The following UBR3 variants were observed in gnomAD, a reference collection of about 807,000 sequenced individuals.
UBR3 encodes E3 ubiquitin-protein ligase UBR3.
In UBR3, 85 loss-of-function variants were observed where a neutral mutation model predicts 243.2. That is an observed-to-expected ratio of 0.35 (90% CI 0.29 to 0.42). UBR3 has a LOEUF of 0.42. Ranked by LOEUF, UBR3 falls within the 10% of genes least tolerant of loss-of-function variation. UBR3 has a pLI of 1.00. For missense variants in UBR3, 1,686 were observed against 2,300.8 expected (o/e 0.73, Z 5.47); for synonymous variants, 748 against 799.8 (o/e 0.94, Z 1.09).
chr2:169,929,372 C>T lies in UBR3; in HGVS notation c.2566+504C>T, dbSNP rs371370441. On this transcript the variant is annotated intron_variant, in intron 18 of 38. Coordinates refer to ENST00000272793, the MANE Select transcript of UBR3 (RefSeq NM_172070.4). The stretch of plus-strand genomic sequence containing the variant: ...GCTGGATCACCTGAGGTCAGGAGTT[C>T]GAGACCATCCTGGCCAACATGATGA... Among the ~76,000 whole-genome samples, 25 of 152,042 alleles carry T rather than the reference C, an allele frequency of 1.6e-4. No homozygotes were observed. The South Asian group carries it at 5.2e-3, about 32-fold the overall frequency.
intron 5 of UBR3, among the ~76,000 whole-genome samples, chr2:169,888,764 G>C (rs1163369204): frequency 6.6e-6 from 1 of 151,996 alleles, no homozygotes; most frequent in African/African-American, 2.4e-5. Context: ...AAAATTCCCT[G>C]TTTTAAAATA....
chr2:169,910,233 GAA>G (rs964102206), intron 10 of UBR3, among the ~76,000 whole-genome samples: 2 of 152,100 alleles, frequency 1.3e-5, no homozygotes, highest in Admixed American at 1.3e-4. Context: ...TAAATAGGGA[GAA>G]AAGAGATGTG....
chr2:169,948,079 G>GTTT, intron 22 of UBR3: 4 of 251,890 alleles, frequency 1.6e-5, no homozygotes, highest in African/African-American at 4.8e-5. Context: ...ATTTATGTGT[G>GTTT]TTTTTTTTTT....
chr2:169,952,862 A>G (rs1017708281), intron 23 of UBR3, among the ~76,000 whole-genome samples: 2 of 152,166 alleles, frequency 1.3e-5, no homozygotes, highest in African/African-American at 4.8e-5. Context: ...CCATTCATTA[A>G]GTTTGAATTA....
At chr2:169,987,853 ATGGTATTG>A (rs2089092356) in intron 25 of UBR3, among the ~76,000 whole-genome samples, 1 of 152,004 alleles carries the variant, frequency 6.6e-6, no homozygotes, top group East Asian at 1.9e-4. Flanking sequence ...GAATTCAAAT[ATGGTATTG>A]GTTTACTTAC....
chr2:170,066,971 A>ATAG (rs2091584098), intron 35 of UBR3, among the ~76,000 whole-genome samples: 1 of 147,290 alleles, frequency 6.8e-6, no homozygotes, highest in Non-Finnish European at 1.5e-5. Context: ...CTCTAAAATA[A>ATAG]TAATAATAAT....
Position 169,864,906 on chromosome 2 carries a change from C to CAA in UBR3, c.546-7308_546-7307dup, listed in dbSNP as rs11336906. On this transcript the variant is annotated intron_variant, in intron 1 of 38. Coordinates refer to ENST00000272793, the MANE Select transcript of UBR3 (RefSeq NM_172070.4). ...CGGGTGACGGAGCGAGACTCCGTCT[C>CAA]AAAAAAAAAAAAAAAAAAAAAAAGA... Among the ~76,000 whole-genome samples, 294 of 64,106 alleles carry CAA rather than the reference C, an allele frequency of 4.6e-3. 2 individuals are homozygous for CAA. Among genetic ancestry groups the CAA allele is most frequent in the African/African-American group, 0.012 (186 of 15,970 alleles). 42.1% of individuals were successfully genotyped at this position (64,106 alleles called of 152,430 possible).
intron 5 of UBR3, among the ~76,000 whole-genome samples, chr2:169,881,479 C>T (rs1050090758): frequency 6.6e-6 from 1 of 151,192 alleles, no homozygotes; most frequent in African/African-American, 2.4e-5. Context: ...GTGCCCAGCC[C>T]CAGAAAGCTA....
At chr2:169,899,979 C>T (rs1559073931) in intron 8 of UBR3, among the ~76,000 whole-genome samples, 1 of 152,104 alleles carries the variant, frequency 6.6e-6, no homozygotes, top group Non-Finnish European at 1.5e-5. Flanking sequence ...GTCTTTATAG[C>T]AGCATGATTT....
intron 24 of UBR3, among the ~76,000 whole-genome samples, chr2:169,971,051 T>G (rs1265795357): frequency 1.3e-5 from 2 of 151,656 alleles, no homozygotes; most frequent in East Asian, 3.9e-4. Flanking sequence ...ATTGTGGTTT[T>G]GATTTGCATT....
At chr2:169,928,103 C>T (rs2085977344) in intron 17 of UBR3, among the ~76,000 whole-genome samples, 1 of 152,128 alleles carries the variant, frequency 6.6e-6, no homozygotes, top group South Asian at 2.1e-4. Context: ...TGTTTGACAA[C>T]CTTGATTTTT....
intron 24 of UBR3, among the ~76,000 whole-genome samples, chr2:169,976,915 A>G (rs1484253428): frequency 6.6e-6 from 1 of 151,048 alleles, no homozygotes; most frequent in African/African-American, 2.4e-5. Flanking sequence ...TCACTCTTGT[A>G]TTCTTTTCCC....
chr2:169,994,204 A>T, intron 25 of UBR3, 119 bp from the exon 26 acceptor site: 1 of 1,226,332 alleles, frequency 8.2e-7, no homozygotes, highest in South Asian at 1.8e-5. Context: ...GGGTCTTTAA[A>T]AATATTCTAA....
chr2:170,044,887 A>ATGAT (rs1334215473), intron 32 of UBR3, among the ~76,000 whole-genome samples: 1 of 152,064 alleles, frequency 6.6e-6, no homozygotes, highest in Admixed American at 6.5e-5. Context: ...GCCCTCTTAG[A>ATGAT]TGATTCACAC....
intron 35 of UBR3, among the ~76,000 whole-genome samples, chr2:170,063,116 G>A (rs1368239861): frequency 6.6e-6 from 1 of 152,108 alleles, no homozygotes; most frequent in Non-Finnish European, 1.5e-5. Context: ...AGACCAGTTA[G>A]GAAAGGACAT....
At chr2:169,847,982 G>A (rs769262232) in intron 1 of UBR3, among the ~76,000 whole-genome samples, 15 of 152,124 alleles carry the variant, frequency 9.9e-5, no homozygotes, top group Non-Finnish European at 1.9e-4. Flanking sequence ...TGTCCTATAA[G>A]CTATAGCAGC....
rs144163537 is a variant in UBR3, at chr2:170,083,055, A to G, written c.*1212A>G. ...AAAGATTTTTTTTCCTAAATGATTC[A>G]GTAATTGAATGATTATTTAATATAT... On this transcript the variant is annotated 3_prime_UTR_variant, in exon 39 of 39. Transcript: ENST00000272793. 855 of 152,762 alleles carry G rather than the reference A, an allele frequency of 5.6e-3. 9 individuals carry two copies. Among genetic ancestry groups the G allele is most frequent in the African/African-American group, 0.019 (787 of 41,592 alleles). 9.5% of individuals were successfully genotyped at this position (152,762 alleles called of 1,614,324 possible).
At chr2:169,967,951 C>A (rs991432870) in intron 24 of UBR3, among the ~76,000 whole-genome samples, 2 of 151,434 alleles carry the variant, frequency 1.3e-5, no homozygotes, top group East Asian at 1.9e-4. Flanking sequence ...TAAGTGTATA[C>A]CTTTCTTAGG....
At position 169,969,693 on chromosome 2, in the gene UBR3, C is replaced by T. The variant is rs569620857; in HGVS notation, c.3634+11167C>T. ...CCTCCCAAGCAGCTGGGACAACAGG[C>T]GCCTGCCACCATGCCCGGCTAATTT... On this transcript the variant is annotated intron_variant, in intron 24 of 38. Transcript: ENST00000272793. Among the ~76,000 whole-genome samples the T allele has an allele frequency of 7.4e-3, 1,130 of 151,864 alleles. 7 individuals are homozygous for T. The highest frequency in any genetic ancestry group is 0.013 in the Non-Finnish European group (850 of 67,964).
Sources: gnomAD v4.1 joint callset for allele counts (sites outside exome capture counted in the v4.1 genomes callset) on GRCh38, gnomAD v4.1.1 for gene constraint, MANE v1.5 for transcripts, NCBI Gene and HGNC (gene_info 2026-07-23, HGNC 2026-07-21) for gene names.